VAPA: variants seen among roughly 807,000 people sequenced by gnomAD.
VAPA encodes the protein vesicle-associated membrane protein-associated protein A.
In VAPA, 6 loss-of-function variants were observed where a neutral mutation model predicts 25.6. The observed-to-expected ratio is 0.23, with a 90% CI of 0.13 to 0.46. The LOEUF (loss-of-function observed/expected upper bound fraction) is 0.46, where lower values mean the gene tolerates loss of function less well. Ranked by LOEUF, VAPA falls within the 20% of genes least tolerant of loss-of-function variation. VAPA has a pLI of 0.99. For missense variants in VAPA, 244 were observed against 302.1 expected, an observed-to-expected ratio of 0.81 and a Z score of 1.43; for synonymous variants, 112 against 106.2, an observed-to-expected ratio of 1.05 and a Z score of -0.34.
intron 2 of VAPA, among the ~76,000 whole-genome samples, chr18:9,933,251 G>T (rs1035029064): frequency 6.6e-6 from 1 of 152,092 alleles, no homozygotes; most frequent in Non-Finnish European, 1.5e-5. Flanking sequence ...GTATTTAGAG[G>T]TGGAGCCTGA....
Position 9,959,697 on chromosome 18 carries a change from G to T in VAPA, c.*5486G>T. Reference sequence around the variant, plus strand: ...TAATACAATGTGTGTGTGTGAGAGAGAGAGTGAGTTACTGACATTGTTCCA... The same window carrying T: ...TAATACAATGTGTGTGTGTGAGAGATAGAGTGAGTTACTGACATTGTTCCA... On this transcript the variant is annotated 3_prime_UTR_variant, in exon 6 of 6. Coordinates refer to ENST00000400000, the MANE Select transcript of VAPA (RefSeq NM_194434.3). The T allele has an allele frequency of 7.7e-6, 1 of 129,266 alleles. No individual in the cohort carries two copies. The highest frequency in any genetic ancestry group is 1.6e-5 in the Non-Finnish European group (1 of 64,326). 8.0% of individuals were successfully genotyped at this position (129,266 alleles called of 1,614,324 possible). A position where few individuals can be genotyped will look rare whatever the true frequency, so the allele number is the denominator to read the frequency against.
At chr18:9,928,997 C>G (rs1426390475) in intron 1 of VAPA, among the ~76,000 whole-genome samples, 1 of 152,112 alleles carries the variant, frequency 6.6e-6, no homozygotes, top group East Asian at 1.9e-4. Context: ...TAGGTAGATT[C>G]ATGTGAATGT....
At chr18:9,927,860 G>A (rs1599101417) in intron 1 of VAPA, among the ~76,000 whole-genome samples, 1 of 152,076 alleles carries the variant, frequency 6.6e-6, no homozygotes, top group Admixed American at 6.6e-5. Flanking sequence ...AGTGACAGCT[G>A]TAGAGGAGTT....
intron 4 of VAPA, among the ~76,000 whole-genome samples, chr18:9,945,534 A>AT (rs1033872167): frequency 2.7e-5 from 4 of 150,516 alleles, no homozygotes; most frequent in Non-Finnish European, 3.0e-5. Flanking sequence ...TAATTTTTGT[A>AT]TTTTTTTGGT....
rs759969012 is a variant in VAPA at position 9,914,255 on chromosome 18, C to T, written c.-2C>T. 177 of 1,581,076 alleles carry T rather than the reference C, an allele frequency of 1.1e-4. No homozygotes were observed. The highest frequency in any genetic ancestry group is 1.4e-4 in the Non-Finnish European group (169 of 1,165,674). ...GCGCCCCCGCTCTGCGCTGTCTCTC[C>T]GATGGCGTCCGCCTCAGGGGCCATG... On this transcript the variant is annotated 5_prime_UTR_variant, in exon 1 of 6. Coordinates refer to ENST00000400000, the MANE Select transcript of VAPA (RefSeq NM_194434.3).
At chr18:9,934,670 A>C (rs796765089) in intron 2 of VAPA, among the ~76,000 whole-genome samples, 18 of 152,284 alleles carry the variant, frequency 1.2e-4, no homozygotes, top group African/African-American at 3.8e-4. Context: ...TAGGGAAATA[A>C]TTTCTATAAT....
intron 5 of VAPA, chr18:9,950,943 A>C (rs929984772): frequency 1.5e-5 from 3 of 198,438 alleles, no homozygotes; most frequent in Non-Finnish European, 3.1e-5. Flanking sequence ...GATTTGTTCA[A>C]ATTGAGCTGT....
At chr18:9,935,825 G>GT (rs2069304242) in intron 2 of VAPA, among the ~76,000 whole-genome samples, 1 of 152,158 alleles carries the variant, frequency 6.6e-6, no homozygotes, top group Admixed American at 6.5e-5. Flanking sequence ...AATTGTAATT[G>GT]TTTATTTTGT....
intron 1 of VAPA, among the ~76,000 whole-genome samples, chr18:9,931,024 A>T (rs959835565): frequency 3.3e-5 from 5 of 152,098 alleles, no homozygotes; most frequent in Admixed American, 2.0e-4. Context: ...TAGCTTTTTT[A>T]AAAAATACAT....
chr18:9,934,013 A>G lies in VAPA; in HGVS notation c.232+2051A>G, dbSNP rs1567896162. On this transcript the variant is annotated intron_variant, in intron 2 of 5. Coordinates refer to ENST00000400000, the MANE Select transcript of VAPA (RefSeq NM_194434.3). ...ACAACGTATCAAAACACTTTCTCCC[A>G]CAGAAACCTGACTTATTAAAACCTT... Among the ~76,000 whole-genome samples, 3 of 152,200 alleles carry G rather than the reference A, an allele frequency of 2.0e-5. No individual in the cohort carries two copies. The East Asian group carries it at 5.8e-4, about 29-fold the overall frequency.
chr18:9,954,236 C>A lies in VAPA; in HGVS notation c.*25C>A. The A allele has an allele frequency of 2.2e-6, 3 of 1,343,946 alleles. No homozygotes were observed. Among genetic ancestry groups the A allele is most frequent in the Non-Finnish European group, 3.0e-6 (3 of 991,828 alleles). The allele number at this position is 1,343,946 out of a possible 1,614,324, so 83.3% of individuals were successfully genotyped here. On this transcript the variant is annotated 3_prime_UTR_variant, in exon 6 of 6. Coordinates refer to ENST00000400000, the MANE Select transcript of VAPA (RefSeq NM_194434.3). ...GAGTGAAGCATGCAGAGTGCTGTTTCTTTTTTTTTTTTTCTCTTGACCAGA... is the reference window on the plus strand; with the variant it reads ...GAGTGAAGCATGCAGAGTGCTGTTTATTTTTTTTTTTTTCTCTTGACCAGA...
chr18:9,920,310 A>G (rs188254067), intron 1 of VAPA, among the ~76,000 whole-genome samples: 2 of 151,294 alleles, frequency 1.3e-5, no homozygotes, highest in East Asian at 1.9e-4. Flanking sequence ...TCTTTCTTTC[A>G]TTTTTTTCTT....
Position 9,932,332 on chromosome 18 carries a change from G to A in VAPA, c.232+370G>A, listed in dbSNP as rs560381908. 7.0e-4 allele frequency among the ~76,000 whole-genome samples: 106 copies of A among 152,316 alleles called. 1 individual carries two copies. The South Asian group carries it at 0.02, about 28-fold the overall frequency. ...ACACATTGCATGCAGCTATAGAAGT[G>A]TCATAATTCTTTTGCTTAAAAAGGT... On this transcript the variant is annotated intron_variant, in intron 2 of 5. Coordinates refer to ENST00000400000, the MANE Select transcript of VAPA (RefSeq NM_194434.3).
chr18:9,918,051 C>T (rs2069126850), intron 1 of VAPA, among the ~76,000 whole-genome samples: 1 of 151,920 alleles, frequency 6.6e-6, no homozygotes, highest in Non-Finnish European at 1.5e-5. Flanking sequence ...ATGTGCCTTC[C>T]TCTTGTAACA....
At chr18:9,936,582 A>C (rs1282994110) in intron 3 of VAPA, 8 of 200,626 alleles carry the variant, frequency 4.0e-5, no homozygotes, top group East Asian at 1.2e-4. Context: ...AACAAAAAAA[A>C]CCACCACAAC....
chr18:9,940,769 G>A (rs2069359257), intron 4 of VAPA, among the ~76,000 whole-genome samples: 1 of 152,190 alleles, frequency 6.6e-6, no homozygotes, highest in South Asian at 2.1e-4. Context: ...GATTTTTGAT[G>A]GATGTTTTTG....
chr18:9,942,070 C>T (rs892772302), intron 4 of VAPA, among the ~76,000 whole-genome samples: 4 of 152,162 alleles, frequency 2.6e-5, no homozygotes, highest in African/African-American at 9.7e-5. Context: ...TTGCTGGTAA[C>T]AACTTAGTAT....
intron 4 of VAPA, among the ~76,000 whole-genome samples, chr18:9,946,957 CTTCTT>C (rs759927240): frequency 9.2e-5 from 14 of 152,174 alleles, no homozygotes; most frequent in African/African-American, 2.9e-4. Flanking sequence ...TTTAAAAAAA[CTTCTT>C]TTCTTAAGAC....
At chr18:9,948,056 ATTC>A (rs1017672544) in intron 4 of VAPA, 68 of 152,178 alleles carry the variant, frequency 4.5e-4, no homozygotes, top group African/African-American at 1.4e-3. Flanking sequence ...GCTTCACTGT[ATTC>A]TTTGCATTCT....
Sources: allele counts gnomAD v4.1 joint callset (sites outside exome capture counted in the v4.1 genomes callset), GRCh38; gene constraint gnomAD v4.1.1; transcripts MANE v1.5; gene names NCBI Gene and HGNC (gene_info 2026-07-23, HGNC 2026-07-21).